Variants in OOSP1 observed in about 807,000 individuals in gnomAD.
The protein encoded by OOSP1 is putative oocyte-secreted protein 1 homolog.
OOSP1 carries 11 observed loss-of-function variants against 5.7 expected under a neutral mutation model. That is an observed-to-expected ratio of 1.94 (90% CI 1.22 to 3.20). OOSP1 has a LOEUF of 3.20. Among genes scored for constraint, OOSP1 ranks in the 30% most tolerant of loss-of-function variants. The pLI is 0.00. For synonymous variants in OOSP1, 44 were observed against 20.0 expected (o/e 2.20, Z -3.20); for missense variants, 83 against 54.1 (o/e 1.53, Z -1.67).
At chr11:59,953,565 A>T (rs1288062056) in intron 4 of OOSP1, among the ~76,000 whole-genome samples, 1 of 152,090 alleles carries the variant, frequency 6.6e-6, no homozygotes. Context: ...GAGTCTCTGG[A>T]AAGTGGGTGT....
exon 4 of OOSP1, chr11:59,947,801 T>C (rs1360937385): frequency 5.0e-6 from 2 of 398,758 alleles, no homozygotes; most frequent in Non-Finnish European, 8.9e-6. Flanking sequence ...GAATGGGAGA[T>C]AGAGGTGAGG....
intron 4 of OOSP1, among the ~76,000 whole-genome samples, chr11:59,954,939 G>C (rs1565234482): frequency 6.6e-6 from 1 of 151,176 alleles, no homozygotes; most frequent in Non-Finnish European, 1.5e-5. Flanking sequence ...AAAATTGTAA[G>C]AATTTATCTC....
rs60435750 is a variant in OOSP1 at position 59,951,773 on chromosome 11, G to GT, written c.486+3938dup. On this transcript the variant is annotated intron_variant, in intron 4 of 4. Coordinates refer to ENST00000646685, the Ensembl canonical transcript of OOSP1. The stretch of plus-strand genomic sequence containing the variant: ...CGCCAGGCTAGAGTGCAGTGGCACA[G>GT]TTTTTTTTTTTTTTTTTTTTTTTTT... 6.6e-3 allele frequency among the ~76,000 whole-genome samples: 385 copies of GT among 57,994 alleles called. 10 individuals are homozygous for GT. The highest frequency in any genetic ancestry group is 0.019 in the African/African-American group (292 of 15,532). The allele number at this position is 57,994 out of a possible 152,430, so 38.0% of individuals were successfully genotyped here. A position where few individuals can be genotyped will look rare whatever the true frequency, so the allele number is the denominator to read the frequency against.
chr11:59,939,059 G>A (rs1462809654), intron 1 of OOSP1, among the ~76,000 whole-genome samples: 2 of 152,072 alleles, frequency 1.3e-5, no homozygotes, highest in African/African-American at 2.4e-5. Flanking sequence ...CCTCCTGTTC[G>A]GAGCAAACCA....
At chr11:59,948,089 A>G (rs1853904474) in intron 4 of OOSP1, among the ~76,000 whole-genome samples, 1 of 152,194 alleles carries the variant, frequency 6.6e-6, no homozygotes, top group African/African-American at 2.4e-5. Flanking sequence ...CATATAACTA[A>G]GAGCTATCCA....
intron 4 of OOSP1, among the ~76,000 whole-genome samples, chr11:59,951,315 C>T (rs1189387959): frequency 3.3e-5 from 5 of 151,814 alleles, no homozygotes; most frequent in Admixed American, 1.3e-4. Flanking sequence ...GAAAAAGAGA[C>T]AGATCGCTGA....
chr11:59,939,700 G>T, intron 1 of OOSP1, among the ~76,000 whole-genome samples: 1 of 139,452 alleles, frequency 7.2e-6, no homozygotes, highest in African/African-American at 2.7e-5. Flanking sequence ...CTCGTCCCTT[G>T]CTCTTCCCTT....
rs779942825 is a variant in OOSP1, at chr11:59,951,710, A to AT, written c.486+3865dup. Among the ~76,000 whole-genome samples the AT allele has an allele frequency of 8.1e-3, 837 of 103,432 alleles. 23 individuals carry two copies. The highest frequency in any genetic ancestry group is 0.077 in the East Asian group (278 of 3,622). 67.9% of individuals were successfully genotyped at this position (103,432 alleles called of 152,430 possible). ...TGTGCGTGTCGAAGAAATGAACTGCATTTTTTTTTTTTTTTTTGAGATGGA... is the reference window on the plus strand; with the variant it reads ...TGTGCGTGTCGAAGAAATGAACTGCATTTTTTTTTTTTTTTTTTGAGATGGA... On this transcript the variant is annotated intron_variant, in intron 4 of 4. Transcript: ENST00000646685.
intron 4 of OOSP1, among the ~76,000 whole-genome samples, chr11:59,952,675 A>G (rs879440310): frequency 2.0e-5 from 3 of 152,152 alleles, no homozygotes; most frequent in Admixed American, 2.0e-4. Flanking sequence ...AAAACATGAC[A>G]TGTTAGGTAC....
chr11:59,944,849 A>G (rs1437336654), intron 2 of OOSP1, among the ~76,000 whole-genome samples: 1 of 152,230 alleles, frequency 6.6e-6, no homozygotes, highest in Non-Finnish European at 1.5e-5. Context: ...GCTCGCTTTG[A>G]ATAAGCAATG....
chr11:59,944,218 AGCTGAAG>A (rs1173155230), intron 2 of OOSP1, among the ~76,000 whole-genome samples: 1 of 151,994 alleles, frequency 6.6e-6, no homozygotes, highest in Non-Finnish European at 1.5e-5. Flanking sequence ...AGGGGGTGAG[AGCTGAAG>A]GCTGAAGGCT....
At chr11:59,940,703 G>A (rs972214682) in intron 1 of OOSP1, among the ~76,000 whole-genome samples, 4 of 152,098 alleles carry the variant, frequency 2.6e-5, no homozygotes, top group African/African-American at 9.7e-5. Flanking sequence ...TCTAGGAATG[G>A]GACTGTGAGG....
In OOSP1 at chr11:59,952,920, CTTCT is replaced by C. The variant is rs550358622; in HGVS notation, c.487-4274_487-4271del. 1.1e-4 allele frequency among the ~76,000 whole-genome samples: 17 copies of C among 152,222 alleles called. No homozygotes were observed. The East Asian group carries it at 2.9e-3, about 26-fold the overall frequency. Reference sequence around the variant, plus strand: ...CACCTTTGCCCCCATTCAATCGTTCCTTCTATTAGTTGGCATTCTTAGGTAAGTT... The same window carrying C: ...CACCTTTGCCCCCATTCAATCGTTCCATTAGTTGGCATTCTTAGGTAAGTT... On this transcript the variant is annotated intron_variant, in intron 4 of 4. Transcript: ENST00000646685.
intron 4 of OOSP1, among the ~76,000 whole-genome samples, chr11:59,954,830 C>G (rs1390852631): frequency 1.3e-5 from 2 of 152,054 alleles, no homozygotes; most frequent in African/African-American, 4.8e-5. Flanking sequence ...GAGTATACCT[C>G]TATACTTGTC....
intron 4 of OOSP1, 31 bp downstream of exon 4, chr11:59,947,893 A>G (rs1789999388): frequency 2.5e-6 from 1 of 398,510 alleles, no homozygotes; most frequent in South Asian, 1.3e-4. Flanking sequence ...GCATCTTATG[A>G]TTTTTGTCCA....
At chr11:59,951,543 C>T (rs879135220) in intron 4 of OOSP1, among the ~76,000 whole-genome samples, 3 of 152,006 alleles carry the variant, frequency 2.0e-5, no homozygotes, top group Admixed American at 2.0e-4. Context: ...TGCTTTGGAT[C>T]TGGTATCATG....
At chr11:59,948,724 C>G in intron 4 of OOSP1, 1 of 398,032 alleles carries the variant, frequency 2.5e-6, no homozygotes, top group South Asian at 1.3e-4. Flanking sequence ...TGCTACACTC[C>G]CTCGTTCATC....
At chr11:59,939,052 C>G (rs995864978) in intron 1 of OOSP1, among the ~76,000 whole-genome samples, 1 of 152,186 alleles carries the variant, frequency 6.6e-6, no homozygotes, top group African/African-American at 2.4e-5. Flanking sequence ...CCAAAAACCT[C>G]CTGTTCGGAG....
chr11:59,951,149 A>G (rs908270568), intron 4 of OOSP1, among the ~76,000 whole-genome samples: 2 of 152,086 alleles, frequency 1.3e-5, no homozygotes, highest in Admixed American at 1.3e-4. Context: ...GCTGAATATA[A>G]AAAAAGGTGG....
Sources: gnomAD v4.1 joint callset for allele counts (sites outside exome capture counted in the v4.1 genomes callset) on GRCh38, gnomAD v4.1.1 for gene constraint, MANE v1.5 for transcripts, NCBI Gene and HGNC (gene_info 2026-07-23, HGNC 2026-07-21) for gene names.